The following KCNIP4 variants were observed in gnomAD, a reference collection of about 807,000 sequenced individuals.
KCNIP4 encodes Kv channel-interacting protein 4.
KCNIP4 carries 12 observed loss-of-function variants against 34.0 expected under a neutral mutation model. The ratio of observed to expected loss-of-function variants is 0.35; its 90% confidence interval spans 0.23 to 0.57. The LOEUF is 0.57. Ranked by LOEUF, KCNIP4 falls within the 20% of genes least tolerant of loss-of-function variation. KCNIP4 has a pLI of 0.83. For missense variants in KCNIP4, 238 were observed against 311.7 expected (o/e 0.76, Z 1.78); for synonymous variants, 124 against 102.2 (o/e 1.21, Z -1.29).
intron 3 of KCNIP4, among the ~76,000 whole-genome samples, chr4:20,775,089 ATCAG>A (rs1395743051): frequency 6.6e-6 from 1 of 152,184 alleles, no homozygotes; most frequent in Non-Finnish European, 1.5e-5. Flanking sequence ...TCTACTGTGT[ATCAG>A]GCTCTCTGTT....
chr4:21,494,236 C>T (rs1177890907), intron 1 of KCNIP4, among the ~76,000 whole-genome samples: 1 of 152,098 alleles, frequency 6.6e-6, no homozygotes, highest in East Asian at 1.9e-4. Context: ...CACATTTAAT[C>T]AGCATGAGTG....
intron 1 of KCNIP4, chr4:21,697,595 C>G: frequency 7.3e-7 from 1 of 1,369,288 alleles, no homozygotes; most frequent in Non-Finnish European, 9.3e-7. Context: ...GCGCCTCAAT[C>G]AGAAATTCCT....
intron 1 of KCNIP4, among the ~76,000 whole-genome samples, chr4:21,592,206 G>GT (rs894462051): frequency 3.2e-4 from 48 of 152,158 alleles, no homozygotes; most frequent in African/African-American, 1.0e-3. Flanking sequence ...GATAACATCT[G>GT]TTTTTTTGTG....
chr4:21,318,100 C>T (rs1263766089), intron 1 of KCNIP4, among the ~76,000 whole-genome samples: 1 of 152,168 alleles, frequency 6.6e-6, no homozygotes, highest in Admixed American at 6.5e-5. Context: ...CAGACTCAAA[C>T]TTTCCAAACC....
intron 1 of KCNIP4, among the ~76,000 whole-genome samples, chr4:21,781,302 AT>A (rs1181490733): frequency 6.6e-6 from 1 of 152,082 alleles, no homozygotes; most frequent in Non-Finnish European, 1.5e-5. Context: ...TTCTGCCATA[AT>A]TTAAGTTTCC....
intron 1 of KCNIP4, among the ~76,000 whole-genome samples, chr4:21,319,051 A>G (rs985999350): frequency 1.3e-5 from 2 of 152,218 alleles, no homozygotes; most frequent in Admixed American, 1.3e-4. Flanking sequence ...TTAAAGAGAG[A>G]ACTTATGAAA....
intron 1 of KCNIP4, among the ~76,000 whole-genome samples, chr4:21,687,797 G>C (rs758109760): frequency 6.6e-6 from 1 of 152,090 alleles, no homozygotes; most frequent in Non-Finnish European, 1.5e-5. Context: ...GGGTTCTTTT[G>C]GACTGGATGA....
intron 1 of KCNIP4, among the ~76,000 whole-genome samples, chr4:21,880,890 T>C (rs911792765): frequency 6.6e-6 from 1 of 152,222 alleles, no homozygotes; most frequent in African/African-American, 2.4e-5. Context: ...TTACTTCTTA[T>C]GTGGATTTGT....
chr4:21,609,834 G>T (rs1744012268), intron 1 of KCNIP4, among the ~76,000 whole-genome samples: 2 of 152,156 alleles, frequency 1.3e-5, no homozygotes, highest in South Asian at 4.1e-4. Context: ...TACTTTTGTG[G>T]TTATCACATT....
chr4:21,837,171 C>A (rs1342877427), intron 1 of KCNIP4, among the ~76,000 whole-genome samples: 1 of 11,898 alleles, frequency 8.4e-5, no homozygotes, highest in Non-Finnish European at 1.5e-4. Context: ...CCCGCCTCAG[C>A]CTCCCAAAGT....
chr4:21,647,196 C>A (rs944869457), intron 1 of KCNIP4, among the ~76,000 whole-genome samples: 1 of 152,086 alleles, frequency 6.6e-6, no homozygotes, highest in Non-Finnish European at 1.5e-5. Context: ...TAGTTAGCCA[C>A]CATACTATAT....
At chr4:21,210,009 G>C (rs571095131) in intron 1 of KCNIP4, among the ~76,000 whole-genome samples, 1 of 152,094 alleles carries the variant, frequency 6.6e-6, no homozygotes, top group Non-Finnish European at 1.5e-5. Context: ...CCTGTCAAAC[G>C]GTTATTTAAA....
chr4:21,173,728 T>G (rs1362740938), intron 1 of KCNIP4, among the ~76,000 whole-genome samples: 1 of 152,192 alleles, frequency 6.6e-6, no homozygotes, highest in Non-Finnish European at 1.5e-5. Context: ...CAGCAAGCCG[T>G]GGACCCCACC....
At chr4:20,934,120 C>T (rs1409537090) in intron 1 of KCNIP4, among the ~76,000 whole-genome samples, 1 of 152,122 alleles carries the variant, frequency 6.6e-6, no homozygotes, top group Non-Finnish European at 1.5e-5. Context: ...AGGAGTGATG[C>T]TATAATTGAT....
At chr4:20,800,871 T>C (rs535592296) in intron 3 of KCNIP4, among the ~76,000 whole-genome samples, 3 of 152,322 alleles carry the variant, frequency 2.0e-5, no homozygotes, top group African/African-American at 7.2e-5. Flanking sequence ...GCTTATTTAA[T>C]AAAATAGTGG....
In KCNIP4 at chr4:20,761,785, CTG is replaced by C. The variant is rs769539012; in HGVS notation, c.289-2897_289-2896del. On this transcript the variant is annotated intron_variant, in intron 3 of 8. Transcript: ENST00000382152. ...ATGTGTTTTATGTTTAATCACATAT[CTG>C]TGTCAGAGGAAACCTTTTCTCTGCC... Among the ~76,000 whole-genome samples, 41 of 152,216 alleles carry C rather than the reference CTG, an allele frequency of 2.7e-4. 1 individual carries two copies. The highest frequency in any genetic ancestry group is 5.2e-4 in the Admixed American group (8 of 15,280).
chr4:21,546,006 G>A (rs556592594), intron 1 of KCNIP4, among the ~76,000 whole-genome samples: 1 of 152,132 alleles, frequency 6.6e-6, no homozygotes, highest in South Asian at 2.1e-4. Flanking sequence ...ACCAACACTT[G>A]CTTTCACTTT....
intron 1 of KCNIP4, chr4:21,303,885 T>G (rs1560272035): frequency 6.2e-7 from 1 of 1,614,112 alleles, no homozygotes; most frequent in East Asian, 2.2e-5. Flanking sequence ...ACTGCTATCA[T>G]TTCAAGCCCT....
intron 1 of KCNIP4, among the ~76,000 whole-genome samples, chr4:21,141,831 T>C (rs773880919): frequency 4.6e-5 from 7 of 151,604 alleles, no homozygotes; most frequent in Non-Finnish European, 7.4e-5. Context: ...AGTTTGTATA[T>C]AGTTTCAGGA....
Sources: gnomAD v4.1 joint callset for allele counts (sites outside exome capture counted in the v4.1 genomes callset) on GRCh38, gnomAD v4.1.1 for gene constraint, MANE v1.5 for transcripts, NCBI Gene and HGNC (gene_info 2026-07-23, HGNC 2026-07-21) for gene names.